The following FRMPD4 variants were observed in gnomAD, a reference collection of about 807,000 sequenced individuals.
The protein encoded by FRMPD4 is FERM and PDZ domain containing 4, also known as FERM and PDZ domain-containing protein 4.
In FRMPD4, 22 loss-of-function variants were observed where a neutral mutation model predicts 94.1. The ratio of observed to expected loss-of-function variants is 0.23; its 90% CI spans 0.17 to 0.33. FRMPD4 has a LOEUF of 0.33. Ranked by LOEUF, FRMPD4 falls within the 10% of genes least tolerant of loss-of-function variation. The pLI is 1.00. For missense variants in FRMPD4, 1,111 were observed against 1,339.9 expected (o/e 0.83, Z 2.67); for synonymous variants, 631 against 548.6 (o/e 1.15, Z -2.10).
chrX:12,229,587 C>T (rs1380548916), intron 1 of FRMPD4, among the ~76,000 whole-genome samples: 1 of 111,655 alleles, frequency 9.0e-6, no homozygotes. Flanking sequence ...CTTTATTCCC[C>T]TTATCCTTAA....
At position 12,694,321 on chromosome X, in the gene FRMPD4, G is replaced by A. The variant is rs928241411; in HGVS notation, c.814-14G>A. 5.9e-6 allele frequency: 7 copies of A among 1,196,267 alleles called. No individual in the cohort carries two copies. Among genetic ancestry groups the A allele is most frequent in the Middle Eastern group, 2.3e-4 (1 of 4,311 alleles). ...GCACTGAAGGGTTCTTGTGTGATTGGTCTACTCTTCCAGGTGACACAGAGG... is the reference window on the plus strand; with the variant it reads ...GCACTGAAGGGTTCTTGTGTGATTGATCTACTCTTCCAGGTGACACAGAGG... On this transcript the variant is annotated splice_polypyrimidine_tract_variant and intron_variant, in intron 8 of 16. Coordinates refer to ENST00000675598, the MANE Select transcript of FRMPD4 (RefSeq NM_001368397.1).
intron 3 of FRMPD4, among the ~76,000 whole-genome samples, chrX:12,024,219 A>G (rs904876619): frequency 5.4e-5 from 6 of 111,955 alleles, no homozygotes; most frequent in African/African-American, 1.9e-4. Flanking sequence ...ATTGCCTGCA[A>G]TACATTTATG....
At chrX:12,708,857 C>T (rs2041929507) in intron 13 of FRMPD4, 1 of 113,438 alleles carries the variant, frequency 8.8e-6, no homozygotes, top group African/African-American at 3.2e-5. Context: ...CAGATGATCA[C>T]GAAAGAGAGA....
chrX:11,893,266 A>G (rs2053884627), intron 3 of FRMPD4, among the ~76,000 whole-genome samples: 3 of 111,737 alleles, frequency 2.7e-5, no homozygotes, highest in Non-Finnish European at 3.8e-5. Context: ...CTTGTTTTCC[A>G]TGACCTTGAC....
intron 3 of FRMPD4, among the ~76,000 whole-genome samples, chrX:11,943,821 C>T (rs1329978801): frequency 8.9e-6 from 1 of 111,956 alleles, no homozygotes; most frequent in Non-Finnish European, 1.9e-5. Flanking sequence ...CTTAAACCTA[C>T]TTTCAGGTTT....
chrX:12,556,822 CAAATT>C (rs1311009039), intron 2 of FRMPD4, among the ~76,000 whole-genome samples: 1 of 104,358 alleles, frequency 9.6e-6, no homozygotes, highest in Non-Finnish European at 2.0e-5. Context: ...TCACAAAAGA[CAAATT>C]AATAAGAGAA....
At chrX:12,035,069 C>T (rs763993006) in intron 3 of FRMPD4, among the ~76,000 whole-genome samples, 136 of 112,080 alleles carry the variant, frequency 1.2e-3, no homozygotes, top group African/African-American at 4.1e-3. Flanking sequence ...TTCAGTGTTG[C>T]TTCATTTGCA....
intron 1 of FRMPD4, among the ~76,000 whole-genome samples, chrX:12,378,852 T>G (rs2056278517): frequency 8.9e-6 from 1 of 111,955 alleles, no homozygotes; most frequent in Non-Finnish European, 1.9e-5. Context: ...ACAGGAGTGT[T>G]TTTAGTGAGA....
intron 1 of FRMPD4, among the ~76,000 whole-genome samples, chrX:12,263,381 G>A (rs1229168295): frequency 9.0e-6 from 1 of 111,617 alleles, no homozygotes; most frequent in Non-Finnish European, 1.9e-5. Context: ...ACTGGAGTGA[G>A]TGTTAGAGGA....
intron 1 of FRMPD4, among the ~76,000 whole-genome samples, chrX:12,234,965 G>A (rs138365132): frequency 0.01 from 1,137 of 111,773 alleles, 10 homozygotes; most frequent in African/African-American, 0.034. Flanking sequence ...CATTTTGAGC[G>A]TTTGTTTATT....
intron 1 of FRMPD4, among the ~76,000 whole-genome samples, chrX:12,168,091 C>T (rs1368988372): frequency 9.1e-6 from 1 of 110,254 alleles, no homozygotes; most frequent in Admixed American, 9.6e-5. Context: ...GGGCAGCCCC[C>T]ACACAACAAA....
chrX:12,255,337 A>G, intron 1 of FRMPD4, among the ~76,000 whole-genome samples: 1 of 111,320 alleles, frequency 9.0e-6, no homozygotes, highest in Non-Finnish European at 1.9e-5. Context: ...GGGAAAAATT[A>G]AGCTTTTTTG....
At chrX:12,290,865 C>T (rs1045328405) in intron 1 of FRMPD4, among the ~76,000 whole-genome samples, 16 of 32,733 alleles carry the variant, frequency 4.9e-4, no homozygotes, top group East Asian at 2.8e-3. Flanking sequence ...TGGAGGTAAT[C>T]GGAAAAAAAA....
intron 1 of FRMPD4, among the ~76,000 whole-genome samples, chrX:12,418,848 G>C (rs941877683): frequency 3.6e-5 from 4 of 111,422 alleles, no homozygotes; most frequent in African/African-American, 1.3e-4. Context: ...CATTTCTTCA[G>C]CTTTTCTCCA....
rs1357132725 is a variant in FRMPD4 at position 12,718,511 on chromosome X, A to ACT, written c.3685_3686insCT (p.Ser1229ThrfsTer20). The ACT allele has an allele frequency of 8.3e-7, 1 of 1,198,976 alleles. No homozygotes were observed. Among genetic ancestry groups the ACT allele is most frequent in the South Asian group, 1.8e-5 (1 of 56,703 alleles). ...AGGCTGTGGCACAGGCAGCAGTGGCAGTGCCTGTGCCACACCCGTGGAGTC... is the reference window on the plus strand; with the variant it reads ...AGGCTGTGGCACAGGCAGCAGTGGCACTGTGCCTGTGCCACACCCGTGGAGTC... On this transcript the variant is annotated frameshift_variant, in exon 16 of 17. Coordinates refer to ENST00000675598, the MANE Select transcript of FRMPD4 (RefSeq NM_001368397.1). LOFTEE classifies it high-confidence loss of function.
At chrX:12,579,819 T>C (rs944319822) in intron 2 of FRMPD4, among the ~76,000 whole-genome samples, 5 of 111,663 alleles carry the variant, frequency 4.5e-5, no homozygotes, top group Non-Finnish European at 9.4e-5. Context: ...GAAAAGACTT[T>C]CTTGTCACAG....
chrX:12,298,061 GT>G (rs2054800801), intron 1 of FRMPD4, among the ~76,000 whole-genome samples: 1 of 112,196 alleles, frequency 8.9e-6, no homozygotes, highest in African/African-American at 3.2e-5. Context: ...AGAGAGGAAA[GT>G]GCCTCTGTTA....
chrX:11,825,832 G>A (rs1372848686), intron 1 of FRMPD4, among the ~76,000 whole-genome samples: 1 of 112,134 alleles, frequency 8.9e-6, no homozygotes, highest in African/African-American at 3.2e-5. Flanking sequence ...TATTATTTTT[G>A]CAAGTTCTTG....
At chrX:12,645,892 C>T (rs1360632965) in intron 4 of FRMPD4, among the ~76,000 whole-genome samples, 1 of 112,071 alleles carries the variant, frequency 8.9e-6, no homozygotes, top group African/African-American at 3.2e-5. Context: ...TAGTTTTGGA[C>T]ATGAGATTAA....
Sources: gnomAD v4.1 joint callset for allele counts (sites outside exome capture counted in the v4.1 genomes callset) on GRCh38, gnomAD v4.1.1 for gene constraint, MANE v1.5 for transcripts, NCBI Gene and HGNC (gene_info 2026-07-23, HGNC 2026-07-21) for gene names.